The following NYAP2 variants were observed in gnomAD, a reference collection of about 807,000 sequenced individuals.
NYAP2 encodes the protein neuronal tyrosine-phosphorylated phosphoinositide-3-kinase adapter 2.
A neutral mutation model predicts 50.4 loss-of-function variants in NYAP2; 23 were observed. That is an observed-to-expected ratio of 0.46 (90% CI 0.33 to 0.65). The LOEUF (loss-of-function observed/expected upper bound fraction) is 0.65, where lower values mean the gene tolerates loss of function less well. NYAP2 is among the 30% of genes least tolerant of loss of function. The pLI, the probability that NYAP2 is intolerant of heterozygous loss-of-function variation, is 0.02. For missense variants in NYAP2, 885 were observed against 861.0 expected, an observed-to-expected ratio of 1.03 and a Z score of -0.35; for synonymous variants, 394 against 365.2, an observed-to-expected ratio of 1.08 and a Z score of -0.90.
At chr2:225,539,052 G>C (rs1691409458) in intron 4 of NYAP2, among the ~76,000 whole-genome samples, 1 of 151,988 alleles carries the variant, frequency 6.6e-6, no homozygotes, top group South Asian at 2.1e-4. Context: ...GTGTCTGTGT[G>C]TTCTCATTGT....
intron 5 of NYAP2, among the ~76,000 whole-genome samples, chr2:225,610,601 G>C (rs917910187): frequency 6.6e-6 from 1 of 152,040 alleles, no homozygotes; most frequent in Non-Finnish European, 1.5e-5. Context: ...TATACACCAG[G>C]GTTTAATTTT....
chr2:225,480,213 T>A (rs1383634427), intron 3 of NYAP2, among the ~76,000 whole-genome samples: 1 of 152,132 alleles, frequency 6.6e-6, no homozygotes, highest in Non-Finnish European at 1.5e-5. Flanking sequence ...GAATGTCTAC[T>A]ACATGTGGGT....
chr2:225,511,327 AAC>A (rs571887973), intron 3 of NYAP2, among the ~76,000 whole-genome samples: 20,831 of 129,446 alleles, frequency 0.16, 1,703 homozygotes, highest in South Asian at 0.2. Flanking sequence ...CGTTCTTTAA[AAC>A]ACACACACAC....
intron 5 of NYAP2, among the ~76,000 whole-genome samples, chr2:225,617,493 A>G (rs1375054676): frequency 6.6e-6 from 1 of 152,190 alleles, no homozygotes; most frequent in African/African-American, 2.4e-5. Context: ...TTTTATGTAA[A>G]TCATCTGAGT....
At chr2:225,512,832 TC>T (rs71407965) in intron 3 of NYAP2, among the ~76,000 whole-genome samples, 40,494 of 100,350 alleles carry the variant, frequency 0.4, 7,349 homozygotes, top group East Asian at 0.5. Context: ...TCTCTCTCTC[TC>T]TCTCTTTCTT....
the NYAP2 span, among the ~76,000 whole-genome samples, chr2:225,676,490 T>C: frequency 0.02 from 3,063 of 152,182 alleles, 103 homozygotes; most frequent in African/African-American, 0.069. Context: ...GAAAGAGGTT[T>C]AATGGGACTT....
intron 3 of NYAP2, among the ~76,000 whole-genome samples, chr2:225,496,101 A>G (rs1310989977): frequency 6.6e-6 from 1 of 152,238 alleles, no homozygotes; most frequent in Non-Finnish European, 1.5e-5. Flanking sequence ...TGAGAAACAC[A>G]GAAAAGATTG....
At chr2:225,517,831 G>A (rs1690962825) in intron 4 of NYAP2, among the ~76,000 whole-genome samples, 1 of 152,160 alleles carries the variant, frequency 6.6e-6, no homozygotes, top group Non-Finnish European at 1.5e-5. Context: ...GCCAAAACAT[G>A]AAAGATAAGC....
intron 3 of NYAP2, among the ~76,000 whole-genome samples, chr2:225,411,251 G>A (rs913047573): frequency 3.3e-5 from 5 of 152,164 alleles, no homozygotes; most frequent in African/African-American, 1.2e-4. Flanking sequence ...TGATTGATGA[G>A]ATGCAGTAGT....
At chr2:225,558,682 G>A (rs1010788553) in intron 4 of NYAP2, among the ~76,000 whole-genome samples, 14 of 152,100 alleles carry the variant, frequency 9.2e-5, no homozygotes, top group African/African-American at 3.4e-4. Context: ...GCTTTGTAAT[G>A]TAGTCACAGG....
At chr2:225,660,513 T>C in the NYAP2 span, among the ~76,000 whole-genome samples, 1 of 151,564 alleles carries the variant, frequency 6.6e-6, no homozygotes, top group Admixed American at 6.6e-5. Flanking sequence ...AATGCCTATT[T>C]TTTTTAATGC....
Position 225,582,611 on chromosome 2 carries a change from C to A in NYAP2, c.1194C>A (p.Ala398=). ...ATGCGAAACTGGAGAAAGAGCAGGC[C>A]GCGGCCCTGGGACCTGCCTCTGCCA... The change falls in exon 5 of 7, where the codon GCC becomes GCA. Residue 398 remains alanine (A), a synonymous_variant. Coordinates refer to ENST00000636099, the Ensembl canonical transcript of NYAP2. The surrounding 1 kb of genome is among the most constrained non-coding windows in gnomAD (Gnocchi z 7.0). 1 of 1,593,592 alleles carries A rather than the reference C, an allele frequency of 6.3e-7. No individual in the cohort carries two copies. Among genetic ancestry groups the A allele is most frequent in the Non-Finnish European group, 8.5e-7 (1 of 1,170,938 alleles).
At chr2:225,537,090 T>C (rs1308445266) in intron 4 of NYAP2, among the ~76,000 whole-genome samples, 1 of 152,140 alleles carries the variant, frequency 6.6e-6, no homozygotes, top group African/African-American at 2.4e-5. Flanking sequence ...ATTCATTCTT[T>C]CTAACTGTAT....
chr2:225,433,294 A>G (rs560695930), intron 3 of NYAP2, among the ~76,000 whole-genome samples: 5 of 151,758 alleles, frequency 3.3e-5, no homozygotes, highest in East Asian at 2.0e-4. Flanking sequence ...CAAAGCTGCA[A>G]TATGCCAAGA....
chr2:225,527,986 A>G (rs932577196), intron 4 of NYAP2, among the ~76,000 whole-genome samples: 1 of 152,186 alleles, frequency 6.6e-6, no homozygotes, highest in African/African-American at 2.4e-5. Context: ...ACCTAGTAAA[A>G]GCAATAATTA....
At chr2:225,401,161 T>G (rs1006409707) in intron 2 of NYAP2, 118 bp downstream of exon 2, 2 of 152,460 alleles carry the variant, frequency 1.3e-5, no homozygotes, top group African/African-American at 4.8e-5. Context: ...AATGCTGAAG[T>G]TTGCATGCCT....
the NYAP2 span, among the ~76,000 whole-genome samples, chr2:225,678,993 TTTC>T: frequency 4.6e-4 from 70 of 152,294 alleles, no homozygotes; most frequent in African/African-American, 1.6e-3. Flanking sequence ...CATCATTGGT[TTTC>T]TTATCATTGT....
chr2:225,581,995 C>T, exon 5 of NYAP2: 3 of 1,613,578 alleles, frequency 1.9e-6, no homozygotes, highest in Non-Finnish European at 2.5e-6. Flanking sequence ...ATTCCTCCTC[C>T]CAAACCGAAG....
intron 3 of NYAP2, among the ~76,000 whole-genome samples, chr2:225,474,187 G>C (rs548198043): frequency 6.6e-6 from 1 of 152,160 alleles, no homozygotes; most frequent in Non-Finnish European, 1.5e-5. Context: ...TTTGGTACCA[G>C]TACCATGCTG....
Sources: gnomAD v4.1 joint callset for allele counts (sites outside exome capture counted in the v4.1 genomes callset) on GRCh38, gnomAD v4.1.1 for gene constraint, Gnocchi (gnomAD v3.1) non-coding constraint, MANE v1.5 for transcripts, NCBI Gene and HGNC (gene_info 2026-07-23, HGNC 2026-07-21) for gene names.